LRRC7: variants seen among roughly 807,000 people sequenced by gnomAD.
The protein encoded by LRRC7 is leucine-rich repeat-containing protein 7.
A neutral mutation model predicts 175.7 loss-of-function variants in LRRC7; 23 were observed. That is an observed-to-expected ratio of 0.13 (90% CI 0.09 to 0.19). The LOEUF (loss-of-function observed/expected upper bound fraction) is 0.19, where lower values mean the gene tolerates loss of function less well. Among genes scored for constraint, LRRC7 ranks in the 10% least tolerant of loss-of-function variants. LRRC7 has a pLI of 1.00. For synonymous variants in LRRC7, 685 were observed against 680.9 expected, an observed-to-expected ratio of 1.01 and a Z score of -0.09; for missense variants, 1,354 against 1,904.7, an observed-to-expected ratio of 0.71 and a Z score of 5.38.
intron 4 of LRRC7, among the ~76,000 whole-genome samples, chr1:69,812,344 G>A (rs1677996321): frequency 6.6e-6 from 1 of 152,056 alleles, no homozygotes; most frequent in African/African-American, 2.4e-5. Flanking sequence ...TTCAAACCCT[G>A]GGTAACCTCT....
chr1:69,992,643 C>A (rs769570451), intron 10 of LRRC7, among the ~76,000 whole-genome samples: 8 of 152,118 alleles, frequency 5.3e-5, no homozygotes, highest in Non-Finnish European at 1.2e-4. Context: ...GGCAAAATAG[C>A]CACACAACAA....
At chr1:69,647,635 T>G (rs1178959186) in intron 1 of LRRC7, among the ~76,000 whole-genome samples, 1 of 152,154 alleles carries the variant, frequency 6.6e-6, no homozygotes, top group Non-Finnish European at 1.5e-5. Context: ...AATTTGAAGC[T>G]TATATTTTTA....
intron 3 of LRRC7, among the ~76,000 whole-genome samples, chr1:69,784,032 G>A (rs763623224): frequency 4.1e-4 from 62 of 152,068 alleles, no homozygotes; most frequent in Non-Finnish European, 4.7e-4. Flanking sequence ...TAAGAAAGTC[G>A]TGTTATATGA....
intron 2 of LRRC7, among the ~76,000 whole-genome samples, chr1:69,735,992 G>A (rs1668074269): frequency 6.6e-6 from 1 of 151,898 alleles, no homozygotes; most frequent in Non-Finnish European, 1.5e-5. Flanking sequence ...TGTAAGTCTA[G>A]CTCACTTTGG....
intron 2 of LRRC7, among the ~76,000 whole-genome samples, chr1:69,743,428 G>A (rs1041267798): frequency 6.6e-6 from 1 of 152,026 alleles, no homozygotes; most frequent in Non-Finnish European, 1.5e-5. Flanking sequence ...AGAATGCAAA[G>A]GCATCATGGG....
chr1:69,609,068 A>G (rs1370405822), intron 1 of LRRC7, among the ~76,000 whole-genome samples: 1 of 151,746 alleles, frequency 6.6e-6, no homozygotes, highest in Non-Finnish European at 1.5e-5. Flanking sequence ...AAATATGAGC[A>G]GAGACAGCTT....
intron 1 of LRRC7, among the ~76,000 whole-genome samples, chr1:69,575,643 AAT>A (rs1403889226): frequency 1.3e-5 from 2 of 148,694 alleles, no homozygotes; most frequent in African/African-American, 4.9e-5. Flanking sequence ...AAAACATTAA[AAT>A]TAAAATGTTC....
At chr1:69,963,997 C>T (rs911431663) in intron 8 of LRRC7, among the ~76,000 whole-genome samples, 3 of 152,204 alleles carry the variant, frequency 2.0e-5, no homozygotes, top group African/African-American at 7.2e-5. Flanking sequence ...ATGCTACCAT[C>T]ATTCTAAGGC....
At chr1:69,975,426 C>G (rs1652713557) in intron 8 of LRRC7, among the ~76,000 whole-genome samples, 1 of 152,180 alleles carries the variant, frequency 6.6e-6, no homozygotes, top group Non-Finnish European at 1.5e-5. Flanking sequence ...TCTAATTTTT[C>G]CTTCTTCCAC....
At chr1:69,792,722 C>A (rs1569907010) in intron 4 of LRRC7, among the ~76,000 whole-genome samples, 1 of 152,046 alleles carries the variant, frequency 6.6e-6, no homozygotes, top group Non-Finnish European at 1.5e-5. Context: ...ACATCTAGAG[C>A]AATGCCTAAT....
At chr1:69,615,754 T>C (rs1649508047) in intron 1 of LRRC7, among the ~76,000 whole-genome samples, 2 of 152,034 alleles carry the variant, frequency 1.3e-5, no homozygotes, top group Admixed American at 6.6e-5. Context: ...TTTGGGTTAC[T>C]GTGAGGTTAA....
At chr1:69,857,918 G>C (rs1683883568) in intron 7 of LRRC7, among the ~76,000 whole-genome samples, 1 of 152,120 alleles carries the variant, frequency 6.6e-6, no homozygotes, top group Non-Finnish European at 1.5e-5. Context: ...CAGAGATATA[G>C]ATCAATGGAA....
At chr1:70,022,992 A>C in intron 16 of LRRC7, 134 bp from the exon 17 acceptor site, 3 of 1,157,772 alleles carry the variant, frequency 2.6e-6, no homozygotes, top group Non-Finnish European at 3.5e-6. Context: ...CATGGATTTA[A>C]AACTAACTTT....
At chr1:69,861,654 G>A (rs1044924384) in intron 7 of LRRC7, among the ~76,000 whole-genome samples, 3 of 152,188 alleles carry the variant, frequency 2.0e-5, no homozygotes, top group Non-Finnish European at 4.4e-5. Context: ...ATATATGCTA[G>A]GGAATAAAGT....
chr1:70,135,274 C>A lies in LRRC7; in HGVS notation c.*13387C>A, dbSNP rs1666820848. ...AGCCACTAGCATAGTTCCCCAGGAG[C>A]AGGCTATGATCATCTCCTCAAAGCA... On this transcript the variant is annotated 3_prime_UTR_variant, in exon 27 of 27. Coordinates refer to ENST00000651989, the MANE Select transcript of LRRC7 (RefSeq NM_001370785.2). 1.3e-5 allele frequency among the ~76,000 whole-genome samples: 2 copies of A among 152,286 alleles called. No individual in the cohort carries two copies. The highest frequency in any genetic ancestry group is 4.1e-4 in the South Asian group (2 of 4,820).
At chr1:69,802,063 C>T (rs112593826) in intron 4 of LRRC7, among the ~76,000 whole-genome samples, 168 of 150,854 alleles carry the variant, frequency 1.1e-3, no homozygotes, top group African/African-American at 3.9e-3. Flanking sequence ...AGTTTTATTC[C>T]GCTGTAGTCT....
At chr1:70,076,404 C>T (rs1469497749) in intron 24 of LRRC7, 106 bp downstream of exon 24, 4 of 971,348 alleles carry the variant, frequency 4.1e-6, no homozygotes, top group Admixed American at 2.2e-5. Context: ...AATGCCATCA[C>T]CATGTTGAAT....
chr1:69,763,954 G>A (rs1671320555), intron 3 of LRRC7, among the ~76,000 whole-genome samples: 1 of 151,840 alleles, frequency 6.6e-6, no homozygotes, highest in South Asian at 2.1e-4. Context: ...TATTATAATT[G>A]GTCATGAATC....
At chr1:69,925,465 C>G (rs1219097602) in intron 7 of LRRC7, among the ~76,000 whole-genome samples, 1 of 152,110 alleles carries the variant, frequency 6.6e-6, no homozygotes, top group Non-Finnish European at 1.5e-5. Flanking sequence ...TTGATTATTG[C>G]CACAATTTCA....
Sources: gnomAD v4.1 joint callset for allele counts (sites outside exome capture counted in the v4.1 genomes callset) on GRCh38, gnomAD v4.1.1 for gene constraint, MANE v1.5 for transcripts, NCBI Gene and HGNC (gene_info 2026-07-23, HGNC 2026-07-21) for gene names.